SEL1L2: variants seen among roughly 807,000 people sequenced by gnomAD.
The protein encoded by SEL1L2 is protein sel-1 homolog 2.
A neutral mutation model predicts 98.8 loss-of-function variants in SEL1L2; 89 were observed. That is an observed-to-expected ratio of 0.90 (90% CI 0.76 to 1.07). The LOEUF (loss-of-function observed/expected upper bound fraction) is 1.07. SEL1L2 is among the 50% of genes least tolerant of loss of function. The probability of loss-of-function intolerance (pLI) is 0.00; values close to 1 mark genes in which losing one functional copy is unlikely to be tolerated. For synonymous variants in SEL1L2, 262 were observed against 278.5 expected, an observed-to-expected ratio of 0.94 and a Z score of 0.59; for missense variants, 788 against 812.0, an observed-to-expected ratio of 0.97 and a Z score of 0.36.
At chr20:13,942,781 T>C (rs550548996) in intron 2 of SEL1L2, among the ~76,000 whole-genome samples, 130 of 152,296 alleles carry the variant, frequency 8.5e-4, no homozygotes, top group Non-Finnish European at 1.5e-3. Context: ...TAAATGCATG[T>C]ATGTTTGAAA....
intron 12 of SEL1L2, among the ~76,000 whole-genome samples, chr20:13,874,934 C>T (rs1008514158): frequency 2.0e-5 from 3 of 152,120 alleles, no homozygotes; most frequent in East Asian, 1.9e-4. Flanking sequence ...AAGAGCAGGC[C>T]GATGGGTGTG....
chr20:13,888,034 C>CA, intron 6 of SEL1L2, 33 bp from the exon 7 acceptor site: 2 of 1,590,162 alleles, frequency 1.3e-6, no homozygotes, highest in South Asian at 2.3e-5. Context: ...AAAAACCCCC[C>CA]AAACCAGGTT....
At chr20:13,867,619 G>A (rs1426093606) in intron 14 of SEL1L2, among the ~76,000 whole-genome samples, 1 of 152,152 alleles carries the variant, frequency 6.6e-6, no homozygotes, top group Non-Finnish European at 1.5e-5. Context: ...CCACAACATT[G>A]GCTTAGTTTG....
chr20:13,931,813 GT>G lies in SEL1L2; in HGVS notation c.115-43del, dbSNP rs779431758. Reference sequence around the variant, plus strand: ...TGTTGCTCATTTTGTTCATGTGTGAGTTTTTTTCAAATGAAACAACAGGAAA... The same window carrying G: ...TGTTGCTCATTTTGTTCATGTGTGAGTTTTTTCAAATGAAACAACAGGAAA... On this transcript the variant is annotated intron_variant, in intron 2 of 19. Coordinates refer to ENST00000284951, the MANE Select transcript of SEL1L2 (RefSeq NM_025229.2). 4 of 1,409,466 alleles carry G rather than the reference GT, an allele frequency of 2.8e-6. No homozygotes were observed. In the East Asian group the frequency reaches 8.1e-5, roughly 28 times the overall value. 87.3% of individuals were successfully genotyped at this position (1,409,466 alleles called of 1,614,324 possible).
chr20:13,869,528 C>G lies in SEL1L2; in HGVS notation c.1230G>C (p.Gln410His), dbSNP rs1253209333. 7.4e-6 allele frequency: 12 copies of G among 1,614,124 alleles called. No homozygotes were observed. In the South Asian group the frequency reaches 1.2e-4, roughly 16 times the overall value. The part of the protein sequence containing the change: ...KAAEKGWPDA[Q>H]FQLGFMYYSG... ...AGTAGTACATGAAGCCTAACTGGAA[C>G]TGTGCGTCGGGCCACCCTTTTTCCG... Residue 410 changes from glutamine to histidine, a missense_variant, in exon 14 of 20, where the codon CAG (glutamine) becomes CAC (histidine). Coordinates refer to ENST00000284951, the MANE Select transcript of SEL1L2 (RefSeq NM_025229.2).
At chr20:13,967,604 A>G (rs547551425) in intron 1 of SEL1L2, among the ~76,000 whole-genome samples, 6 of 152,136 alleles carry the variant, frequency 3.9e-5, no homozygotes, top group Non-Finnish European at 8.8e-5. Flanking sequence ...TTTCAACCAT[A>G]TGGGGGCAAC....
intron 3 of SEL1L2, among the ~76,000 whole-genome samples, chr20:13,924,429 TC>T (rs2048793157): frequency 6.6e-6 from 1 of 151,970 alleles, no homozygotes; most frequent in Admixed American, 6.6e-5. Context: ...TTTTTCTTTT[TC>T]TTTTTTTTTT....
intron 3 of SEL1L2, among the ~76,000 whole-genome samples, chr20:13,920,540 T>C (rs551362167): frequency 6.6e-6 from 1 of 151,676 alleles, no homozygotes; most frequent in East Asian, 1.9e-4. Flanking sequence ...TGTGTGCATA[T>C]GCACACACAC....
At chr20:13,930,984 T>C (rs2049117970) in intron 3 of SEL1L2, among the ~76,000 whole-genome samples, 1 of 151,618 alleles carries the variant, frequency 6.6e-6, no homozygotes, top group African/African-American at 2.4e-5. Flanking sequence ...TTAAAAACAT[T>C]AGTTGGGCCT....
intron 5 of SEL1L2, among the ~76,000 whole-genome samples, chr20:13,895,447 T>TAAAAA (rs74581623): frequency 1.1e-5 from 1 of 93,054 alleles, no homozygotes; most frequent in Non-Finnish European, 2.1e-5. Flanking sequence ...GATCTTGTCC[T>TAAAAA]AAAAAAAAAA....
intron 1 of SEL1L2, among the ~76,000 whole-genome samples, chr20:13,966,995 C>A (rs939429135): frequency 6.7e-6 from 1 of 148,898 alleles, no homozygotes; most frequent in Admixed American, 6.8e-5. Context: ...GATTCTTCTA[C>A]CTCAGCCTCC....
chr20:13,890,823 T>C (rs1440772487), intron 5 of SEL1L2, among the ~76,000 whole-genome samples: 3 of 151,962 alleles, frequency 2.0e-5, no homozygotes, highest in Non-Finnish European at 4.4e-5. Context: ...AGAGAAACTA[T>C]TAAAAAAACA....
chr20:13,885,895 C>T (rs1178936726), intron 9 of SEL1L2, among the ~76,000 whole-genome samples: 1 of 151,964 alleles, frequency 6.6e-6, no homozygotes, highest in Non-Finnish European at 1.5e-5. Context: ...ATTAGCCAGG[C>T]GTGGTGGTGT....
chr20:13,919,178 T>A, intron 3 of SEL1L2, 55 bp from the exon 4 acceptor site: 1 of 1,084,614 alleles, frequency 9.2e-7, no homozygotes. Context: ...TTCCATATTT[T>A]AAAAATAATG....
At chr20:13,856,395 G>T (rs979091254) in intron 18 of SEL1L2, among the ~76,000 whole-genome samples, 1 of 152,194 alleles carries the variant, frequency 6.6e-6, no homozygotes, top group African/African-American at 2.4e-5. Flanking sequence ...CTCCCAGTGT[G>T]CTGGGATCAC....
intron 2 of SEL1L2, among the ~76,000 whole-genome samples, chr20:13,939,665 CTTTTTT>C (rs3042764): frequency 3.6e-5 from 5 of 138,524 alleles, no homozygotes; most frequent in Admixed American, 7.1e-5. Context: ...CACCCTTATT[CTTTTTT>C]TTTTTTTTTT....
chr20:13,961,864 TGG>T (rs2050788602), intron 1 of SEL1L2, among the ~76,000 whole-genome samples: 1 of 152,200 alleles, frequency 6.6e-6, no homozygotes, highest in African/African-American at 2.4e-5. Flanking sequence ...CAAATTGCCA[TGG>T]ACCAGTGACT....
chr20:13,887,863 C>G lies in SEL1L2; in HGVS notation c.664-13G>C, dbSNP rs372932020. ...AATATCTGTACCCCTAAAACACAGA[C>G]AGATGCATTCTTAATATTCAAGACA... On this transcript the variant is annotated splice_polypyrimidine_tract_variant and intron_variant, in intron 7 of 19. Coordinates refer to ENST00000284951, the MANE Select transcript of SEL1L2 (RefSeq NM_025229.2). 28 of 1,609,400 alleles carry G rather than the reference C, an allele frequency of 1.7e-5. No individual in the cohort carries two copies. The highest frequency in any genetic ancestry group is 3.3e-5 in the Admixed American group (2 of 59,978).
intron 1 of SEL1L2, among the ~76,000 whole-genome samples, chr20:13,982,841 T>G (rs978094484): frequency 6.6e-6 from 1 of 151,052 alleles, no homozygotes; most frequent in Non-Finnish European, 1.5e-5. Flanking sequence ...CTGGCCAACA[T>G]AGTGAAACCC....
Sources: gnomAD v4.1 joint callset for allele counts (sites outside exome capture counted in the v4.1 genomes callset) on GRCh38, gnomAD v4.1.1 for gene constraint, MANE v1.5 for transcripts, NCBI Gene and HGNC (gene_info 2026-07-23, HGNC 2026-07-21) for gene names.